ZNF429: variants seen among roughly 807,000 people sequenced by gnomAD.
ZNF429 encodes zinc finger protein 429.
In ZNF429, 53 loss-of-function variants were observed where a neutral mutation model predicts 56.8. The observed-to-expected ratio is 0.93, with a 90% CI of 0.75 to 1.17. ZNF429 has a LOEUF of 1.17. ZNF429 is among the 50% of genes most tolerant of loss of function. The pLI is 0.00. For synonymous variants in ZNF429, 278 were observed against 264.7 expected, an observed-to-expected ratio of 1.05 and a Z score of -0.49; for missense variants, 849 against 788.4, an observed-to-expected ratio of 1.08 and a Z score of -0.92.
chr19:21,515,151 G>C (rs945569536), intron 1 of ZNF429, among the ~76,000 whole-genome samples: 10 of 150,864 alleles, frequency 6.6e-5, no homozygotes, highest in African/African-American at 2.4e-4. Flanking sequence ...ATGTTGGCCA[G>C]ACTGGTCTCG....
At chr19:21,533,856 A>G in intron 3 of ZNF429, among the ~76,000 whole-genome samples, 2 of 152,066 alleles carry the variant, frequency 1.3e-5, no homozygotes, top group Non-Finnish European at 2.9e-5. Context: ...GGGTTTCCCC[A>G]TGTTGGCTAG....
In ZNF429 at chr19:21,540,666, A is replaced by T. The variant is rs932102936; in HGVS notation, c.*2588A>T. ...ATAAATAAACTCATTTCTGAGTCTT[A>T]AATAGATATTTTCAATTATTTGTAA... On this transcript the variant is annotated 3_prime_UTR_variant, in exon 4 of 4. Coordinates refer to ENST00000358491, the MANE Select transcript of ZNF429 (RefSeq NM_001001415.4). Among the ~76,000 whole-genome samples, 1 of 145,276 alleles carries T rather than the reference A, an allele frequency of 6.9e-6. No individual in the cohort carries two copies. The highest frequency in any genetic ancestry group is 2.5e-5 in the African/African-American group (1 of 39,552).
chr19:21,514,642 G>A (rs7257186), intron 1 of ZNF429, among the ~76,000 whole-genome samples: 80,483 of 151,828 alleles, frequency 0.53, 21,547 homozygotes, highest in East Asian at 0.62. Context: ...CTGTTACCCA[G>A]GCTGGAGTGC....
At chr19:21,535,489 T>TTTCTTTC in intron 3 of ZNF429, among the ~76,000 whole-genome samples, 3 of 128,380 alleles carry the variant, frequency 2.3e-5, no homozygotes, top group Non-Finnish European at 4.9e-5. Context: ...TCTTTCTTTC[T>TTTCTTTC]TTCTTTCTTC....
chr19:21,534,305 T>TAAAGGCATGACCC, intron 3 of ZNF429, among the ~76,000 whole-genome samples: 13 of 111,600 alleles, frequency 1.2e-4, no homozygotes, highest in South Asian at 2.9e-4. Context: ...TTTCCAGTTT[T>TAAAGGCATGACCC]ACTTTTGCTT....
intron 3 of ZNF429, among the ~76,000 whole-genome samples, chr19:21,532,543 C>T: frequency 6.6e-6 from 1 of 151,972 alleles, no homozygotes; most frequent in Non-Finnish European, 1.5e-5. Context: ...TGTTTGTCCC[C>T]CAAAACAATG....
intron 1 of ZNF429, among the ~76,000 whole-genome samples, chr19:21,516,907 C>T (rs991367230): frequency 4.6e-5 from 7 of 152,102 alleles, no homozygotes; most frequent in African/African-American, 1.4e-4. Flanking sequence ...GTTTCCTTTC[C>T]TCTCTTCCTG....
chr19:21,527,519 C>T (rs901944619), intron 1 of ZNF429, among the ~76,000 whole-genome samples: 1 of 152,068 alleles, frequency 6.6e-6, no homozygotes, highest in African/African-American at 2.4e-5. Flanking sequence ...AGGGTGGTTA[C>T]AGGGCCTGTT....
In ZNF429 at chr19:21,537,725, A is replaced by G. The variant is rs2033764266; in HGVS notation, c.1672A>G (p.Ile558Val). The G allele has an allele frequency of 6.2e-7, 1 of 1,614,090 alleles. No homozygotes were observed. The highest frequency in any genetic ancestry group is 8.5e-7 in the Non-Finnish European group (1 of 1,180,040). ...CTCAAGACTTACTCAACATAAGAAA[A>G]TTCATACTGGAGAGAAACCCTACAA... ...RSSRLTQHKK[I>V]HTGEKPYKCK... Residue 558 changes from isoleucine (I) to valine (V), a missense_variant, in exon 4 of 4, where the codon ATT becomes GTT. Ile to Val is a conservative substitution (Grantham distance 29, BLOSUM62 3). Transcript: ENST00000358491.
chr19:21,508,374 G>T (rs984861173), intron 1 of ZNF429, among the ~76,000 whole-genome samples: 2 of 152,210 alleles, frequency 1.3e-5, no homozygotes, highest in Non-Finnish European at 2.9e-5. Context: ...TGAGAGGGTG[G>T]TTATTGAGTA....
intron 1 of ZNF429, among the ~76,000 whole-genome samples, chr19:21,508,630 CT>C (rs954594795): frequency 1.0e-4 from 15 of 147,400 alleles, no homozygotes; most frequent in Middle Eastern, 3.6e-3. Context: ...AAAAATCTAT[CT>C]TTTTTTTTTG....
intron 1 of ZNF429, among the ~76,000 whole-genome samples, chr19:21,506,539 A>T: frequency 6.6e-6 from 1 of 151,466 alleles, no homozygotes. Flanking sequence ...TGTGGGATGT[A>T]GTTTGTGGTC....
intron 1 of ZNF429, among the ~76,000 whole-genome samples, chr19:21,519,531 T>C (rs2032907482): frequency 6.6e-6 from 1 of 152,214 alleles, no homozygotes; most frequent in Admixed American, 6.5e-5. Flanking sequence ...ATAGTATGAT[T>C]AACTGCTTTT....
At position 21,536,659 on chromosome 19, in the gene ZNF429, A is replaced by G; in HGVS notation, c.606A>G (p.Arg202=). ...TTCATATTAGAGAGAATACCTACAGATGTAAAGAATTTGGCAATGCCTTTA... is the reference window on the plus strand; with the variant it reads ...TTCATATTAGAGAGAATACCTACAGGTGTAAAGAATTTGGCAATGCCTTTA... ...KKIHIRENTY[R]CKEFGNAFNQ... is the part of the protein sequence containing the mutation. The change falls in exon 4 of 4, where the codon AGA becomes AGG. Residue 202 remains arginine (R), a synonymous_variant. Transcript: ENST00000358491. 2 of 1,613,964 alleles carry G rather than the reference A, an allele frequency of 1.2e-6. No individual in the cohort carries two copies. Among genetic ancestry groups the G allele is most frequent in the Non-Finnish European group, 1.7e-6 (2 of 1,179,948 alleles).
intron 1 of ZNF429, among the ~76,000 whole-genome samples, chr19:21,527,414 G>A (rs998216691): frequency 6.6e-6 from 1 of 152,146 alleles, no homozygotes; most frequent in African/African-American, 2.4e-5. Context: ...CATCCATGTT[G>A]TTTTAATTAA....
intron 1 of ZNF429, among the ~76,000 whole-genome samples, chr19:21,524,159 G>T (rs990255980): frequency 6.6e-6 from 1 of 152,194 alleles, no homozygotes; most frequent in Non-Finnish European, 1.5e-5. Flanking sequence ...GATTCAGTAA[G>T]TGTAAACAAG....
At chr19:21,505,831 A>G in intron 1 of ZNF429, 57 bp downstream of exon 1, 1 of 1,593,982 alleles carries the variant, frequency 6.3e-7, no homozygotes, top group Non-Finnish European at 8.6e-7. Flanking sequence ...CGGAACCGTG[A>G]GAAGTGGCCG....
Position 21,536,866 on chromosome 19 carries a change from C to G in ZNF429, c.813C>G (p.Thr271=). Reference sequence around the variant, plus strand: ...GCAAAGCCTTTAGCAGGTACTCAACCCTTACTACCCATAAGAGAATTCATT... The same window carrying G: ...GCAAAGCCTTTAGCAGGTACTCAACGCTTACTACCCATAAGAGAATTCATT... ...ECGKAFSRYS[T]LTTHKRIHSG... Residue 271 remains threonine, a synonymous_variant, in exon 4 of 4, where the codon ACC becomes ACG. Transcript: ENST00000358491. 6.2e-7 allele frequency: 1 copy of G among 1,612,076 alleles called. No homozygotes were observed.
intron 1 of ZNF429, among the ~76,000 whole-genome samples, chr19:21,512,620 C>T (rs1599439330): frequency 4.2e-5 from 6 of 144,314 alleles, no homozygotes; most frequent in Admixed American, 3.5e-4. Context: ...CCCGAGATCA[C>T]GCCACTGCAT....
Sources: gnomAD v4.1 joint callset for allele counts (sites outside exome capture counted in the v4.1 genomes callset) on GRCh38, gnomAD v4.1.1 for gene constraint, MANE v1.5 for transcripts, NCBI Gene and HGNC (gene_info 2026-07-23, HGNC 2026-07-21) for gene names.